PCDH11X: variants seen among roughly 807,000 people sequenced by gnomAD.
PCDH11X encodes the protein protocadherin-11 X-linked.
PCDH11X carries 18 observed loss-of-function variants against 53.3 expected under a neutral mutation model. The ratio of observed to expected loss-of-function variants is 0.34; its 90% CI spans 0.23 to 0.50. PCDH11X has a LOEUF of 0.50. Among genes scored for constraint, PCDH11X ranks in the 20% least tolerant of loss-of-function variants. The pLI, the probability that PCDH11X is intolerant of heterozygous loss-of-function variation, is 0.98. For missense variants in PCDH11X, 570 were observed against 1,032.4 expected (o/e 0.55, Z 6.14); for synonymous variants, 279 against 393.3 (o/e 0.71, Z 3.44).
intron 7 of PCDH11X, among the ~76,000 whole-genome samples, chrX:92,225,393 T>A (rs2066952122): frequency 9.2e-6 from 1 of 109,049 alleles, no homozygotes; most frequent in South Asian, 3.8e-4. Flanking sequence ...GGAAATAAAC[T>A]GGAAATATAA....
At chrX:92,423,085 C>T (rs1311560119) in intron 9 of PCDH11X, among the ~76,000 whole-genome samples, 2 of 100,749 alleles carry the variant, frequency 2.0e-5, no homozygotes, top group Non-Finnish European at 2.1e-5. Context: ...CTCCTGACCT[C>T]GTGATCTGCC....
At chrX:91,861,661 G>A (rs1938681426) in intron 5 of PCDH11X, among the ~76,000 whole-genome samples, 1 of 111,931 alleles carries the variant, frequency 8.9e-6, no homozygotes, top group Non-Finnish European at 1.9e-5. Flanking sequence ...CAACCCAAAC[G>A]GCTGCTGAGA....
At chrX:91,941,571 T>G (rs28881218) in intron 6 of PCDH11X, among the ~76,000 whole-genome samples, 1 of 107,814 alleles carries the variant, frequency 9.3e-6, no homozygotes, top group African/African-American at 3.4e-5. Flanking sequence ...AAGTAAAAAC[T>G]GGTAGAACTG....
intron 1 of PCDH11X, chrX:91,798,003 T>C (rs1935795952): frequency 9.0e-6 from 1 of 111,661 alleles, no homozygotes. Context: ...GGTAGAAATT[T>C]GCCCAACTAG....
At chrX:92,206,517 A>C (rs898250956) in intron 7 of PCDH11X, among the ~76,000 whole-genome samples, 2 of 110,712 alleles carry the variant, frequency 1.8e-5, no homozygotes, top group Admixed American at 1.9e-4. Flanking sequence ...TTTTTAAAAA[A>C]TTTTTAATTT....
chrX:92,364,766 A>G (rs1342613356), intron 8 of PCDH11X, among the ~76,000 whole-genome samples: 1 of 103,081 alleles, frequency 9.7e-6, no homozygotes, highest in Non-Finnish European at 2.0e-5. Flanking sequence ...TGCTGGGCAC[A>G]GTGGTGGGCA....
chrX:92,187,804 G>C (rs2066125283), intron 6 of PCDH11X, among the ~76,000 whole-genome samples: 1 of 111,760 alleles, frequency 8.9e-6, no homozygotes, highest in Admixed American at 9.6e-5. Flanking sequence ...ACTTTTATTT[G>C]CTCTAAACCT....
chrX:92,430,529 T>C (rs1246775203), intron 9 of PCDH11X, among the ~76,000 whole-genome samples: 4 of 93,758 alleles, frequency 4.3e-5, no homozygotes, highest in African/African-American at 1.5e-4. Flanking sequence ...GTAAATGTAT[T>C]GGCTATGTGG....
intron 10 of PCDH11X, among the ~76,000 whole-genome samples, chrX:92,480,179 T>A (rs1446330525): frequency 8.9e-6 from 1 of 111,845 alleles, no homozygotes; most frequent in African/African-American, 3.3e-5. Context: ...ATTTTTGTAG[T>A]GTGTTTTTCA....
intron 4 of PCDH11X, among the ~76,000 whole-genome samples, chrX:91,816,133 C>A (rs1007662111): frequency 1.8e-5 from 2 of 110,152 alleles, no homozygotes; most frequent in East Asian, 2.8e-4. Flanking sequence ...GTCCCCACAC[C>A]CCCCCAAAAA....
At chrX:92,490,956 A>G (rs967746897) in intron 10 of PCDH11X, among the ~76,000 whole-genome samples, 3 of 107,678 alleles carry the variant, frequency 2.8e-5, no homozygotes, top group Admixed American at 2.1e-4. Context: ...TGACAGCCAA[A>G]TGACTATAAT....
rs1353427746 is a variant in PCDH11X, at chrX:92,025,357, GA to G, written c.3033+146093del. 3.0e-5 allele frequency among the ~76,000 whole-genome samples: 3 copies of G among 99,527 alleles called. No individual in the cohort carries two copies. The Admixed American group carries it at 3.3e-4, about 11-fold the overall frequency. The allele number at this position is 99,527 out of a possible 115,157, so 86.4% of individuals were successfully genotyped here. On this transcript the variant is annotated intron_variant, in intron 6 of 10. Transcript: ENST00000682573. ...GCAAGGAACTCACACATATTTACAA[GA>G]AAAAAAAACAAACAACCCCATCAAA...
chrX:92,268,564 C>A (rs1421766993), intron 8 of PCDH11X, among the ~76,000 whole-genome samples: 1 of 111,619 alleles, frequency 9.0e-6, no homozygotes, highest in African/African-American at 3.3e-5. Context: ...TTTAGCATTA[C>A]CACCTAAGGA....
intron 6 of PCDH11X, among the ~76,000 whole-genome samples, chrX:92,052,148 A>T (rs1332356623): frequency 8.9e-6 from 1 of 112,040 alleles, no homozygotes; most frequent in Non-Finnish European, 1.9e-5. Context: ...CTTCTGCTTT[A>T]GTAAACTTGA....
At position 92,500,105 on chromosome X, in the gene PCDH11X, C is replaced by T. The variant is rs184042456; in HGVS notation, c.3367+31783C>T. Among the ~76,000 whole-genome samples, 177 of 111,144 alleles carry T rather than the reference C, an allele frequency of 1.6e-3. 5 individuals are homozygous for T. The East Asian group carries it at 0.044, about 28-fold the overall frequency. On this transcript the variant is annotated intron_variant, in intron 10 of 10. Transcript: ENST00000682573. The stretch of plus-strand genomic sequence containing the variant: ...TCTTAAAATTGATACTAAGCTAAGA[C>T]ATTCTTTGACACACAGAATAAAATC...
intron 8 of PCDH11X, among the ~76,000 whole-genome samples, chrX:92,267,781 G>A (rs2067865275): frequency 8.9e-6 from 1 of 112,351 alleles, no homozygotes; most frequent in South Asian, 3.7e-4. Context: ...TACAGTGCTG[G>A]AGGCTGGGAA....
intron 6 of PCDH11X, among the ~76,000 whole-genome samples, chrX:92,142,067 G>A (rs892670288): frequency 1.6e-4 from 18 of 110,931 alleles, no homozygotes; most frequent in Non-Finnish European, 2.8e-4. Flanking sequence ...AGATGATCTC[G>A]AATTTGTCAG....
intron 8 of PCDH11X, among the ~76,000 whole-genome samples, chrX:92,321,048 GC>G (rs1190277958): frequency 1.9e-5 from 2 of 107,616 alleles, no homozygotes; most frequent in Non-Finnish European, 3.9e-5. Context: ...CTGTAAAGTT[GC>G]CAGAATCAGT....
At chrX:91,966,246 T>C (rs1389769563) in intron 6 of PCDH11X, among the ~76,000 whole-genome samples, 1 of 109,847 alleles carries the variant, frequency 9.1e-6, no homozygotes, top group Non-Finnish European at 1.9e-5. Flanking sequence ...ACCAGAAGGA[T>C]CAATATCTAT....
Sources: allele counts gnomAD v4.1 joint callset (sites outside exome capture counted in the v4.1 genomes callset), GRCh38; gene constraint gnomAD v4.1.1; transcripts MANE v1.5; gene names NCBI Gene and HGNC (gene_info 2026-07-23, HGNC 2026-07-21).